Variants in EPB41L4B observed in about 807,000 individuals in gnomAD.
EPB41L4B encodes band 4.1-like protein 4B.
In EPB41L4B, 30 loss-of-function variants were observed where a neutral mutation model predicts 112.5. The observed-to-expected ratio is 0.27, with a 90% confidence interval of 0.20 to 0.36. EPB41L4B has a LOEUF of 0.36. EPB41L4B is among the 10% of genes least tolerant of loss of function. The probability of loss-of-function intolerance (pLI) is 1.00; values close to 1 mark genes in which losing one functional copy is unlikely to be tolerated. For synonymous variants in EPB41L4B, 408 were observed against 439.7 expected (o/e 0.93, Z 0.90); for missense variants, 1,024 against 1,133.3 (o/e 0.90, Z 1.38).
In EPB41L4B at chr9:109,213,726, G is replaced by A; in HGVS notation, c.1726C>T (p.Pro576Ser). The A allele has an allele frequency of 6.2e-7, 1 of 1,614,090 alleles. No homozygotes were observed. Among genetic ancestry groups the A allele is most frequent in the Non-Finnish European group, 8.5e-7 (1 of 1,180,012 alleles). The change falls in exon 17 of 26, where the codon CCT (proline) becomes TCT (serine). Residue 576 changes from proline to serine, a missense_variant. Transcript: ENST00000374566. ...LETVKAAGPW[P>S]PLHININKAE... The stretch of plus-strand genomic sequence containing the variant: ...TTGTTTATGTTGATGTGCAGAGGAG[G>A]CCAGGGTCCAGCAGCCTTCACAGTT...
At chr9:109,293,986 C>T (rs1157209209) in intron 1 of EPB41L4B, among the ~76,000 whole-genome samples, 1 of 152,068 alleles carries the variant, frequency 6.6e-6, no homozygotes, top group Admixed American at 6.6e-5. Flanking sequence ...CTAAACCCAT[C>T]AAGGACTTTG....
rs1831706753 is a variant in EPB41L4B at position 109,173,646 on chromosome 9, T to C, written c.*908A>G. On this transcript the variant is annotated 3_prime_UTR_variant, in exon 26 of 26. Transcript: ENST00000374566. ...ATAGCTATGTAAAAATATGTGTGTATTCATTGAGAAAGCTAGGGAACTAAT... is the reference window on the plus strand; with the variant it reads ...ATAGCTATGTAAAAATATGTGTGTACTCATTGAGAAAGCTAGGGAACTAAT... The C allele has an allele frequency of 6.6e-6, 1 of 152,626 alleles. No homozygotes were observed. 9.5% of individuals were successfully genotyped at this position (152,626 alleles called of 1,614,324 possible). A position where few individuals can be genotyped will look rare whatever the true frequency, so the allele number is the denominator to read the frequency against.
intron 15 of EPB41L4B, among the ~76,000 whole-genome samples, chr9:109,232,156 T>C (rs1029991256): frequency 6.6e-6 from 1 of 152,040 alleles, no homozygotes; most frequent in Non-Finnish European, 1.5e-5. Flanking sequence ...CACACCTGGC[T>C]AATTTTTGTA....
At chr9:109,193,357 G>C (rs1832527049) in intron 21 of EPB41L4B, among the ~76,000 whole-genome samples, 1 of 152,210 alleles carries the variant, frequency 6.6e-6, no homozygotes, top group African/African-American at 2.4e-5. Flanking sequence ...AAAAGCCTCA[G>C]GCATCCAGTT....
At chr9:109,206,067 G>A (rs923945329) in intron 18 of EPB41L4B, among the ~76,000 whole-genome samples, 11 of 152,162 alleles carry the variant, frequency 7.2e-5, no homozygotes, top group African/African-American at 2.4e-4. Flanking sequence ...AATAATAGAA[G>A]AGATTACTGA....
intron 12 of EPB41L4B, among the ~76,000 whole-genome samples, chr9:109,251,918 G>A (rs1834802487): frequency 1.3e-5 from 2 of 152,358 alleles, no homozygotes; most frequent in East Asian, 1.9e-4. Context: ...GGGCCTGCAT[G>A]GACAGAGCCC....
At chr9:109,176,417 T>G (rs2118574532) in intron 25 of EPB41L4B, 134 bp downstream of exon 25, 3 of 1,073,180 alleles carry the variant, frequency 2.8e-6, no homozygotes, top group Middle Eastern at 6.5e-4. Flanking sequence ...TTTATAGACA[T>G]TTCAATAAAT....
At chr9:109,255,415 T>C (rs1834939465) in intron 11 of EPB41L4B, 96 bp downstream of exon 11, 1 of 1,447,306 alleles carries the variant, frequency 6.9e-7, no homozygotes, top group Non-Finnish European at 9.4e-7. Context: ...CCTAAGTTTC[T>C]GGACTCAAAT....
intron 2 of EPB41L4B, 134 bp from the exon 3 acceptor site, chr9:109,268,567 T>C: frequency 1.3e-6 from 1 of 763,444 alleles, no homozygotes; most frequent in Non-Finnish European, 2.1e-6. Flanking sequence ...CATGGGTTCT[T>C]AGGCTGGGAA....
At chr9:109,287,928 G>A (rs1836361509) in intron 1 of EPB41L4B, among the ~76,000 whole-genome samples, 1 of 152,174 alleles carries the variant, frequency 6.6e-6, no homozygotes, top group Admixed American at 6.5e-5. Flanking sequence ...GCCAGCTTCG[G>A]GAAGGCCTCT....
At chr9:109,267,246 G>A (rs1835441178) in intron 4 of EPB41L4B, among the ~76,000 whole-genome samples, 1 of 152,224 alleles carries the variant, frequency 6.6e-6, no homozygotes, top group African/African-American at 2.4e-5. Flanking sequence ...AAATAGAAGT[G>A]TGACAAGAAA....
chr9:109,182,970 G>A (rs981232736), intron 23 of EPB41L4B, among the ~76,000 whole-genome samples, 173 bp from the exon 24 acceptor site: 5 of 152,082 alleles, frequency 3.3e-5, no homozygotes, highest in Admixed American at 3.3e-4. Context: ...TGAGCTGGTG[G>A]TTGTATCTGT....
chr9:109,312,468 T>C (rs1674296861), intron 1 of EPB41L4B, among the ~76,000 whole-genome samples: 2 of 151,864 alleles, frequency 1.3e-5, no homozygotes, highest in African/African-American at 4.8e-5. Flanking sequence ...GGCTCAGGGG[T>C]CGCCATCCAG....
intron 1 of EPB41L4B, among the ~76,000 whole-genome samples, chr9:109,292,333 C>T (rs1016938149): frequency 1.3e-5 from 2 of 152,246 alleles, no homozygotes; most frequent in African/African-American, 4.8e-5. Flanking sequence ...GGCTAATATA[C>T]TATCCCTACT....
chr9:109,225,374 T>C lies in EPB41L4B; in HGVS notation c.1410-8229A>G, dbSNP rs1833722369. Among the ~76,000 whole-genome samples the C allele has an allele frequency of 3.3e-5, 5 of 152,296 alleles. No homozygotes were observed. The South Asian group carries it at 1.0e-3, about 32-fold the overall frequency. On this transcript the variant is annotated intron_variant, in intron 15 of 25. Transcript: ENST00000374566. ...AAGACATACCCGAGACTGGGCAATTTACAAAAGAAAGAGGTTTGATAAATT... is the reference window on the plus strand; with the variant it reads ...AAGACATACCCGAGACTGGGCAATTCACAAAAGAAAGAGGTTTGATAAATT...
Position 109,216,906 on chromosome 9 carries a change from C to G in EPB41L4B, c.1633+16G>C. 6.2e-7 allele frequency: 1 copy of G among 1,613,308 alleles called. No individual in the cohort carries two copies. The highest frequency in any genetic ancestry group is 1.1e-5 in the South Asian group (1 of 91,058). Reference sequence around the variant, plus strand: ...GCTCCCCCTTCTCCTGCCTTGCCCCCTCCACCCCTACTCACTTGTAAGGGA... The same window carrying G: ...GCTCCCCCTTCTCCTGCCTTGCCCCGTCCACCCCTACTCACTTGTAAGGGA... On this transcript the variant is annotated intron_variant, in intron 16 of 25. Transcript: ENST00000374566.
intron 1 of EPB41L4B, chr9:109,300,997 T>C (rs992298078): frequency 1.3e-5 from 2 of 152,208 alleles, no homozygotes; most frequent in East Asian, 1.9e-4. Flanking sequence ...AGCCTCATTA[T>C]ACCTATACTC....
chr9:109,238,204 T>C (rs1206054050), intron 15 of EPB41L4B, among the ~76,000 whole-genome samples: 1 of 152,182 alleles, frequency 6.6e-6, no homozygotes, highest in East Asian at 1.9e-4. Context: ...CCCCTATATA[T>C]TAGCGCAGAT....
chr9:109,238,664 G>A (rs1834239568), intron 15 of EPB41L4B, among the ~76,000 whole-genome samples: 1 of 152,136 alleles, frequency 6.6e-6, no homozygotes, highest in Admixed American at 6.5e-5. Context: ...GCTATAGATG[G>A]GGGTAGAAAG....
Sources: gnomAD v4.1 joint callset for allele counts (sites outside exome capture counted in the v4.1 genomes callset) on GRCh38, gnomAD v4.1.1 for gene constraint, MANE v1.5 for transcripts, NCBI Gene and HGNC (gene_info 2026-07-23, HGNC 2026-07-21) for gene names.